The following GOLGA8K variants were observed in gnomAD, a reference collection of about 807,000 sequenced individuals.
GOLGA8K encodes the protein golgin subfamily A member 8K.
GOLGA8K carries 12 observed loss-of-function variants against 75.2 expected under a neutral mutation model. That is an observed-to-expected ratio of 0.16 (90% CI 0.10 to 0.26). The LOEUF (loss-of-function observed/expected upper bound fraction) is 0.26, where lower values mean the gene tolerates loss of function less well. Ranked by LOEUF, GOLGA8K falls within the 10% of genes least tolerant of loss-of-function variation. The pLI is 1.00. For synonymous variants in GOLGA8K, 48 were observed against 236.6 expected (o/e 0.20, Z 7.32); for missense variants, 109 against 640.8 (o/e 0.17, Z 8.96).
chr15:32,398,136 A>G (rs927907952), intron 8 of GOLGA8K, among the ~76,000 whole-genome samples: 1 of 149,730 alleles, frequency 6.7e-6, no homozygotes, highest in African/African-American at 2.5e-5. Context: ...CCTTGCAGAC[A>G]TGTTTTATGT....
intron 14 of GOLGA8K, 56 bp from the exon 15 acceptor site, chr15:32,394,289 G>C: frequency 1.4e-6 from 1 of 690,554 alleles, no homozygotes; most frequent in Non-Finnish European, 2.5e-6. Flanking sequence ...GGTACTGTGG[G>C]CCCACCTCTA....
In GOLGA8K at chr15:32,394,134, G is replaced by A. The variant is rs1421509343; in HGVS notation, c.1365+11C>T. 3.0e-6 allele frequency: 3 copies of A among 1,005,406 alleles called. No individual in the cohort carries two copies. Among genetic ancestry groups the A allele is most frequent in the African/African-American group, 3.0e-5 (1 of 33,112 alleles). 62.3% of individuals were successfully genotyped at this position (1,005,406 alleles called of 1,614,324 possible). ...AGGTGGCAAAATGGGTGCAGGGGGA[G>A]TCAGGCTCACCATGGCCTCCCTGCT... On this transcript the variant is annotated intron_variant, in intron 15 of 18. Transcript: ENST00000512626.
chr15:32,397,611 G>A, intron 8 of GOLGA8K, 108 bp from the exon 9 acceptor site: 3 of 1,391,886 alleles, frequency 2.2e-6, no homozygotes, highest in African/African-American at 1.4e-5. Context: ...GGTCAGTAAA[G>A]ATCAAGGCAT....
At chr15:32,396,727 G>A (rs2054622219) in intron 11 of GOLGA8K, among the ~76,000 whole-genome samples, 184 bp from the exon 12 acceptor site, 1 of 148,282 alleles carries the variant, frequency 6.7e-6, no homozygotes, top group Admixed American at 6.8e-5. Context: ...GCTGGCAACG[G>A]GCCCTCTTTG....
intron 13 of GOLGA8K, among the ~76,000 whole-genome samples, chr15:32,395,533 C>T (rs1399538956): frequency 7.0e-6 from 1 of 142,156 alleles, no homozygotes; most frequent in African/African-American, 2.5e-5. Context: ...GCATGCGCCA[C>T]AATGTCCTGC....
Position 32,396,968 on chromosome 15 carries a change from G to T in GOLGA8K, c.826C>A (p.Arg276=). The T allele has an allele frequency of 1.5e-6, 1 of 675,754 alleles. No individual in the cohort carries two copies. The highest frequency in any genetic ancestry group is 3.0e-5 in the Admixed American group (1 of 33,844). 41.9% of individuals were successfully genotyped at this position (675,754 alleles called of 1,614,324 possible). Residue 276 remains arginine, a synonymous_variant, in exon 11 of 19, where the codon CGG becomes AGG. Coordinates refer to ENST00000512626, the MANE Select transcript of GOLGA8K (RefSeq NM_001282493.2). ...AAGCTCCTCTCCAGCTTCTCTACCCGACGCATATCTTGCTGCTTCTCTTTC... is the reference window on the plus strand; with the variant it reads ...AAGCTCCTCTCCAGCTTCTCTACCCTACGCATATCTTGCTGCTTCTCTTTC... The part of the protein sequence containing the change: ...LKKEKQQDMR[R]VEKLERSLSK...
chr15:32,394,577 G>A, intron 14 of GOLGA8K, 88 bp downstream of exon 14: 2 of 926,458 alleles, frequency 2.2e-6, no homozygotes, highest in South Asian at 1.4e-5. Context: ...TGTTCTAAAG[G>A]TCTCTTCCAA....
intron 15 of GOLGA8K, 40 bp downstream of exon 15, chr15:32,394,105 A>G: frequency 2.5e-6 from 2 of 808,300 alleles, no homozygotes; most frequent in Non-Finnish European, 3.5e-6. Flanking sequence ...GGGACCACAG[A>G]GAAAGGTGGC....
intron 13 of GOLGA8K, among the ~76,000 whole-genome samples, chr15:32,395,618 C>A (rs1173739310): frequency 1.4e-5 from 2 of 145,902 alleles, no homozygotes; most frequent in African/African-American, 5.0e-5. Context: ...CCCAAACTCC[C>A]GACCTCAAGT....
chr15:32,397,545 G>C lies in GOLGA8K; in HGVS notation c.592-42C>G. Reference sequence around the variant, plus strand: ...GAGAAGTTTCAATCTGGAGAGCCTGGGCATTTCCACACAGTGCCCCTTAAC... The same window carrying C: ...GAGAAGTTTCAATCTGGAGAGCCTGCGCATTTCCACACAGTGCCCCTTAAC... On this transcript the variant is annotated intron_variant, in intron 8 of 18. Coordinates refer to ENST00000512626, the MANE Select transcript of GOLGA8K (RefSeq NM_001282493.2). 4 of 1,419,606 alleles carry C rather than the reference G, an allele frequency of 2.8e-6. 1 individual carries two copies. The highest frequency in any genetic ancestry group is 3.9e-6 in the Non-Finnish European group (4 of 1,015,656). The allele number at this position is 1,419,606 out of a possible 1,614,324, so 87.9% of individuals were successfully genotyped here.
At chr15:32,395,880 T>C (rs1173401665) in intron 13 of GOLGA8K, 83 bp downstream of exon 13, 1 of 1,559,974 alleles carries the variant, frequency 6.4e-7, no homozygotes, top group Non-Finnish European at 8.6e-7. Flanking sequence ...AAGCTGCCTC[T>C]GACCTGGCAC....
rs1264242903 is a variant in GOLGA8K, at chr15:32,401,689, C to T, written c.49-214G>A. ...AAAAGGCAATACTGGAACTTTGAAACTCAGTCTTCTGACTCCAAGCTCTGA... is the reference window on the plus strand; with the variant it reads ...AAAAGGCAATACTGGAACTTTGAAATTCAGTCTTCTGACTCCAAGCTCTGA... On this transcript the variant is annotated intron_variant, in intron 1 of 18. Transcript: ENST00000512626. Among the ~76,000 whole-genome samples, 2 of 80,976 alleles carry T rather than the reference C, an allele frequency of 2.5e-5. 1 individual carries two copies. Among genetic ancestry groups the T allele is most frequent in the African/African-American group, 9.9e-5 (2 of 20,184 alleles). 53.1% of individuals were successfully genotyped at this position (80,976 alleles called of 152,430 possible).
At chr15:32,394,960 G>T (rs1454988031) in intron 13 of GOLGA8K, among the ~76,000 whole-genome samples, 2 of 149,916 alleles carry the variant, frequency 1.3e-5, no homozygotes, top group African/African-American at 4.9e-5. Flanking sequence ...GTCAGCTGCT[G>T]ATAGGTGGCC....
At chr15:32,398,438 A>G in intron 8 of GOLGA8K, 122 bp downstream of exon 8, 1 of 638,878 alleles carries the variant, frequency 1.6e-6, no homozygotes, top group Non-Finnish European at 2.9e-6. Context: ...ACAAAAAAGT[A>G]GCAAGAAATG....
chr15:32,395,793 A>C (rs1328983532), intron 13 of GOLGA8K, among the ~76,000 whole-genome samples, 170 bp downstream of exon 13: 1 of 148,930 alleles, frequency 6.7e-6, no homozygotes, highest in Non-Finnish European at 1.5e-5. Context: ...AGGGCTACCC[A>C]CCTTTAAAAG....
rs1448030563 is a variant in GOLGA8K, at chr15:32,394,706, T to G, written c.1235A>C (p.Gln412Pro). Residue 412 changes from glutamine to proline, a missense_variant, in exon 14 of 19, where the codon CAG becomes CCG. Physicochemically the swap from Gln to Pro is moderately conservative, Grantham distance 76 (BLOSUM62 -1). Coordinates refer to ENST00000512626, the MANE Select transcript of GOLGA8K (RefSeq NM_001282493.2). ...CATGAGGCTCAGCTGGGCCGTTAGC[T>G]GCTGGTTCTGCTGGCTGGCCGCTTC... ...HLEAASQQNQQLTAQLSLMAL... is the reference protein window; with the variant it reads ...HLEAASQQNQPLTAQLSLMAL... 9.0e-6 allele frequency: 14 copies of G among 1,547,258 alleles called. 1 individual carries two copies. Among genetic ancestry groups the G allele is most frequent in the Non-Finnish European group, 1.2e-5 (14 of 1,144,714 alleles).
chr15:32,395,580 G>A (rs1217317728), intron 13 of GOLGA8K, among the ~76,000 whole-genome samples: 2 of 146,862 alleles, frequency 1.4e-5, no homozygotes, highest in African/African-American at 4.9e-5. Context: ...TAGTAGAGAT[G>A]AGGTTTTACC....
chr15:32,397,364 C>G, intron 9 of GOLGA8K, 53 bp downstream of exon 9: 3 of 1,126,040 alleles, frequency 2.7e-6, no homozygotes, highest in Non-Finnish European at 3.9e-6. Flanking sequence ...CTCACCTGCT[C>G]CTGGCCACCT....
chr15:32,397,272 A>C lies in GOLGA8K; in HGVS notation c.717T>G (p.Asp239Glu), dbSNP rs759730350. 7.6e-6 allele frequency: 12 copies of C among 1,573,288 alleles called. 1 individual carries two copies. In the South Asian group the frequency reaches 1.3e-4, roughly 17 times the overall value. Residue 239 changes from aspartate (D) to glutamate (E), a missense_variant, in exon 10 of 19, where the codon GAT becomes GAG. Transcript: ENST00000512626. ...CTCCTTTTAGATGTTCAGAATACTC[A>C]TCTCTTTCTAATTGGACTTGTTGAA... The part of the protein sequence containing the change: ...ESFQQVQLER[D>E]EYSEHLKGER...
Sources: gnomAD v4.1 joint callset for allele counts (sites outside exome capture counted in the v4.1 genomes callset) on GRCh38, gnomAD v4.1.1 for gene constraint, MANE v1.5 for transcripts, NCBI Gene and HGNC (gene_info 2026-07-23, HGNC 2026-07-21) for gene names.